The following SNTG1 variants were observed in gnomAD, a reference collection of about 807,000 sequenced individuals.
The protein encoded by SNTG1 is syntrophin gamma 1.
SNTG1 carries 39 observed loss-of-function variants against 74.7 expected under a neutral mutation model. That is an observed-to-expected ratio of 0.52 (90% CI 0.40 to 0.68). The LOEUF (loss-of-function observed/expected upper bound fraction) is 0.68. Among genes scored for constraint, SNTG1 ranks in the 30% least tolerant of loss-of-function variants. SNTG1 has a pLI of 0.00. For missense variants in SNTG1, 685 were observed against 609.5 expected (o/e 1.12, Z -1.30); for synonymous variants, 254 against 217.1 (o/e 1.17, Z -1.49).
At chr8:50,550,196 T>C (rs570750727) in intron 11 of SNTG1, among the ~76,000 whole-genome samples, 33 of 152,294 alleles carry the variant, frequency 2.2e-4, no homozygotes, top group Non-Finnish European at 3.8e-4. Flanking sequence ...TGGCCCTCTA[T>C]ATGGAGGTGA....
At chr8:50,012,312 A>C (rs1290411893) in intron 1 of SNTG1, among the ~76,000 whole-genome samples, 1 of 152,010 alleles carries the variant, frequency 6.6e-6, no homozygotes, top group Non-Finnish European at 1.5e-5. Flanking sequence ...GAATGTGGAT[A>C]TCGGGGCTGT....
At chr8:50,453,910 G>C (rs2093478893) in intron 8 of SNTG1, among the ~76,000 whole-genome samples, 1 of 152,012 alleles carries the variant, frequency 6.6e-6, no homozygotes, top group Non-Finnish European at 1.5e-5. Context: ...GAGTTGACAT[G>C]GTCAAGAGTG....
intron 15 of SNTG1, among the ~76,000 whole-genome samples, chr8:50,674,266 G>C (rs2095299431): frequency 6.6e-6 from 1 of 152,000 alleles, no homozygotes; most frequent in Non-Finnish European, 1.5e-5. Flanking sequence ...GCTCCTTTTT[G>C]TACCTCTGGT....
Position 50,793,041 on chromosome 8 carries a change from T to A in SNTG1, c.*212T>A, listed in dbSNP as rs1222297967. ...ATACTACATGAACAGAACAGCTTGTTCTCACTCAGTTGCTTTGTACCAGTA... is the reference window on the plus strand; with the variant it reads ...ATACTACATGAACAGAACAGCTTGTACTCACTCAGTTGCTTTGTACCAGTA... On this transcript the variant is annotated 3_prime_UTR_variant, in exon 19 of 19. Transcript: ENST00000642720. The A allele has an allele frequency of 1.5e-5, 6 of 393,372 alleles. No homozygotes were observed. Among genetic ancestry groups the A allele is most frequent in the Middle Eastern group, 5.1e-4 (1 of 1,958 alleles). The allele number at this position is 393,372 out of a possible 1,614,324, so 24.4% of individuals were successfully genotyped here.
chr8:50,409,360 C>G (rs1052681929), intron 4 of SNTG1, among the ~76,000 whole-genome samples: 1 of 152,128 alleles, frequency 6.6e-6, no homozygotes, highest in African/African-American at 2.4e-5. Flanking sequence ...TTATTAACTA[C>G]TTTTGAGGAA....
At chr8:50,643,029 G>A (rs1368094789) in intron 13 of SNTG1, among the ~76,000 whole-genome samples, 1 of 150,582 alleles carries the variant, frequency 6.6e-6, no homozygotes, top group East Asian at 2.0e-4. Flanking sequence ...CACTGTAGAT[G>A]CCATTATATT....
chr8:50,401,310 G>A (rs1378004165), intron 3 of SNTG1, among the ~76,000 whole-genome samples: 1 of 152,114 alleles, frequency 6.6e-6, no homozygotes, highest in Admixed American at 6.5e-5. Flanking sequence ...AATGTTAAGT[G>A]CACTTTCTAG....
chr8:50,413,195 G>A (rs1260153125), intron 4 of SNTG1, among the ~76,000 whole-genome samples: 1 of 152,128 alleles, frequency 6.6e-6, no homozygotes, highest in Non-Finnish European at 1.5e-5. Context: ...AAGTTCAAGA[G>A]GGTTATGATC....
chr8:50,126,538 G>A (rs2081145278), intron 1 of SNTG1, among the ~76,000 whole-genome samples: 1 of 151,652 alleles, frequency 6.6e-6, no homozygotes, highest in African/African-American at 2.4e-5. Flanking sequence ...AGAAGATAGA[G>A]ATTTACAATC....
In SNTG1 at chr8:50,350,987, G is replaced by T. The variant is rs189898960; in HGVS notation, c.-27-43225G>T. On this transcript the variant is annotated intron_variant, in intron 2 of 18. Coordinates refer to ENST00000642720, the MANE Select transcript of SNTG1 (RefSeq NM_018967.5). ...TCTTTCGCTCTTTGCAATAAATCTT[G>T]TTGGTGCTCACTCTTTGGGTCCACA... is the stretch of plus-strand genomic sequence containing the variant. Among the ~76,000 whole-genome samples the T allele has an allele frequency of 2.0e-5, 3 of 152,282 alleles. No individual in the cohort carries two copies. In the East Asian group the frequency reaches 5.8e-4, roughly 29 times the overall value.
rs181100774 is a variant in SNTG1, at chr8:50,075,051, C to T, written c.-102-97510C>T. 3.6e-3 allele frequency among the ~76,000 whole-genome samples: 547 copies of T among 152,336 alleles called. 4 individuals are homozygous for T. Among genetic ancestry groups the T allele is most frequent in the African/African-American group, 0.012 (519 of 41,582 alleles). On this transcript the variant is annotated intron_variant, in intron 1 of 18. Transcript: ENST00000642720. ...CACTGGGTCCCCCAGCACTGCCGGC[C>T]GCCCACACTGCCCCCATATTTTCAC...
At chr8:50,025,483 A>G (rs12541488) in intron 1 of SNTG1, among the ~76,000 whole-genome samples, 16,819 of 152,196 alleles carry the variant, frequency 0.11, 1,116 homozygotes, top group South Asian at 0.21. Flanking sequence ...CCAGGCAAAA[A>G]GTATATTTTC....
intron 1 of SNTG1, among the ~76,000 whole-genome samples, chr8:49,956,514 C>T (rs1428310322): frequency 4.6e-5 from 7 of 152,152 alleles, no homozygotes; most frequent in African/African-American, 1.2e-4. Flanking sequence ...CAGTTCATAG[C>T]GTAGGGTAGC....
chr8:50,093,442 G>T (rs2079814240), intron 1 of SNTG1, among the ~76,000 whole-genome samples: 1 of 151,944 alleles, frequency 6.6e-6, no homozygotes, highest in Non-Finnish European at 1.5e-5. Flanking sequence ...GTGCAAAAGG[G>T]CTGGCATACT....
chr8:50,456,344 G>A (rs751785109), intron 8 of SNTG1, among the ~76,000 whole-genome samples: 42 of 151,822 alleles, frequency 2.8e-4, no homozygotes, highest in Non-Finnish European at 4.3e-4. Flanking sequence ...CCCCTCAGCT[G>A]TAACAAAATA....
At chr8:50,291,903 T>G (rs2089132391) in intron 2 of SNTG1, among the ~76,000 whole-genome samples, 1 of 152,150 alleles carries the variant, frequency 6.6e-6, no homozygotes, top group Non-Finnish European at 1.5e-5. Flanking sequence ...GACATCAAGA[T>G]GCTCTCCGTT....
intron 1 of SNTG1, among the ~76,000 whole-genome samples, chr8:50,150,545 C>G (rs1353055517): frequency 6.6e-6 from 1 of 152,078 alleles, no homozygotes; most frequent in Non-Finnish European, 1.5e-5. Flanking sequence ...ATAAATAGCT[C>G]TTATTATTTT....
chr8:50,086,874 C>T (rs1045802477), intron 1 of SNTG1, among the ~76,000 whole-genome samples: 3 of 152,100 alleles, frequency 2.0e-5, no homozygotes, highest in Admixed American at 2.0e-4. Flanking sequence ...GCACCAATAG[C>T]AAACTTGTAG....
intron 1 of SNTG1, among the ~76,000 whole-genome samples, chr8:50,155,885 C>G (rs1371677087): frequency 6.6e-6 from 1 of 151,526 alleles, no homozygotes. Context: ...AAATACATCT[C>G]TAGTTAGAAT....
Sources: allele counts gnomAD v4.1 joint callset (sites outside exome capture counted in the v4.1 genomes callset), GRCh38; gene constraint gnomAD v4.1.1; transcripts MANE v1.5; gene names NCBI Gene and HGNC (gene_info 2026-07-23, HGNC 2026-07-21).